The following CTNNA3 variants were observed in gnomAD, a reference collection of about 807,000 sequenced individuals.
CTNNA3 encodes catenin alpha-3.
Under a neutral mutation model 95.7 loss-of-function variants are expected in CTNNA3, and 76 were observed. The observed-to-expected ratio is 0.79, with a 90% CI of 0.66 to 0.96. The LOEUF is 0.96. Among genes scored for constraint, CTNNA3 ranks in the 40% least tolerant of loss-of-function variants. The probability of loss-of-function intolerance (pLI) is 0.00; values close to 1 mark genes in which losing one functional copy is unlikely to be tolerated. For missense variants in CTNNA3, 1,191 were observed against 1,089.8 expected (o/e 1.09, Z -1.31); for synonymous variants, 431 against 374.4 (o/e 1.15, Z -1.74).
At chr10:67,130,879 G>A (rs961176928) in intron 7 of CTNNA3, among the ~76,000 whole-genome samples, 1 of 152,046 alleles carries the variant, frequency 6.6e-6, no homozygotes, top group Non-Finnish European at 1.5e-5. Context: ...TTCTTCCTCT[G>A]CTTGAATTGC....
intron 9 of CTNNA3, among the ~76,000 whole-genome samples, chr10:66,629,271 G>A (rs142398790): frequency 1.1e-3 from 169 of 152,114 alleles, no homozygotes; most frequent in African/African-American, 3.8e-3. Context: ...CTGTGTATGA[G>A]GTAAAGTAAC....
At chr10:67,728,081 T>A (rs910203558) in intron 1 of CTNNA3, among the ~76,000 whole-genome samples, 2 of 142,564 alleles carry the variant, frequency 1.4e-5, no homozygotes, top group Admixed American at 7.4e-5. Flanking sequence ...ATATTATATA[T>A]TATATAATAT....
At chr10:67,137,822 T>C (rs1860370059) in intron 7 of CTNNA3, among the ~76,000 whole-genome samples, 1 of 152,086 alleles carries the variant, frequency 6.6e-6, no homozygotes, top group Non-Finnish European at 1.5e-5. Flanking sequence ...ATGTAGTGAT[T>C]ATATGTCTAT....
chr10:67,295,961 C>T (rs1840014612), intron 5 of CTNNA3, among the ~76,000 whole-genome samples: 1 of 152,166 alleles, frequency 6.6e-6, no homozygotes, highest in South Asian at 2.1e-4. Context: ...TCAGGATGCG[C>T]AGTTCATTGC....
chr10:67,489,046 A>AT (rs1303071478), intron 5 of CTNNA3, among the ~76,000 whole-genome samples: 2 of 152,090 alleles, frequency 1.3e-5, no homozygotes, highest in African/African-American at 2.4e-5. Context: ...GGATCAGCTG[A>AT]TTTTTTTATA....
intron 9 of CTNNA3, among the ~76,000 whole-genome samples, chr10:66,729,990 C>A (rs1177623272): frequency 6.6e-6 from 1 of 151,556 alleles, no homozygotes; most frequent in African/African-American, 2.4e-5. Context: ...CCTGTAGTCC[C>A]AGCTACTGGG....
intron 7 of CTNNA3, among the ~76,000 whole-genome samples, chr10:66,894,860 T>G (rs1845412265): frequency 6.6e-6 from 1 of 151,782 alleles, no homozygotes; most frequent in Admixed American, 6.6e-5. Flanking sequence ...CTTGTTTCCC[T>G]TGAAGCAAGT....
chr10:67,177,955 C>G (rs1408520734), intron 7 of CTNNA3, among the ~76,000 whole-genome samples: 1 of 152,160 alleles, frequency 6.6e-6, no homozygotes, highest in Admixed American at 6.6e-5. Context: ...CATAGGATCC[C>G]AATTTTAGAC....
chr10:66,474,275 T>G (rs1839243803), intron 11 of CTNNA3, among the ~76,000 whole-genome samples: 1 of 152,100 alleles, frequency 6.6e-6, no homozygotes, highest in South Asian at 2.1e-4. Context: ...GATCAACTTC[T>G]TTAGATTTCA....
intron 7 of CTNNA3, among the ~76,000 whole-genome samples, chr10:67,153,584 C>G (rs1373988626): frequency 1.3e-5 from 2 of 152,220 alleles, no homozygotes; most frequent in African/African-American, 4.8e-5. Flanking sequence ...TCTCCGACAG[C>G]AGCGATCTTT....
chr10:66,126,432 T>C (rs964872160), intron 13 of CTNNA3, among the ~76,000 whole-genome samples: 6 of 152,192 alleles, frequency 3.9e-5, no homozygotes, highest in African/African-American at 1.2e-4. Flanking sequence ...TTACCTTAGT[T>C]AGTATGCACA....
intron 7 of CTNNA3, among the ~76,000 whole-genome samples, chr10:66,875,600 G>T (rs1049182224): frequency 4.6e-5 from 7 of 151,858 alleles, no homozygotes; most frequent in Admixed American, 4.6e-4. Flanking sequence ...CATATGGAAG[G>T]TAGTTATTCA....
chr10:67,562,823 C>T (rs1841574409), intron 3 of CTNNA3, among the ~76,000 whole-genome samples: 2 of 152,082 alleles, frequency 1.3e-5, no homozygotes, highest in South Asian at 4.1e-4. Flanking sequence ...GCAAAAGTCA[C>T]AAGCATTCTT....
At chr10:66,462,899 C>A (rs1320002780) in intron 11 of CTNNA3, among the ~76,000 whole-genome samples, 1 of 151,878 alleles carries the variant, frequency 6.6e-6, no homozygotes, top group East Asian at 1.9e-4. Context: ...CTCCTATAAA[C>A]CTTTTTATTT....
At chr10:67,727,577 AAT>A (rs1018414097) in intron 1 of CTNNA3, among the ~76,000 whole-genome samples, 33 of 129,002 alleles carry the variant, frequency 2.6e-4, no homozygotes, top group Admixed American at 5.5e-4. Context: ...TATGTAGCAT[AAT>A]ATATGATATA....
chr10:67,221,764 C>T (rs1030181470), intron 5 of CTNNA3, among the ~76,000 whole-genome samples: 6 of 151,774 alleles, frequency 4.0e-5, no homozygotes, highest in Non-Finnish European at 7.4e-5. Context: ...TTAATAGGGA[C>T]GGGGTTTCAT....
At chr10:67,164,494 T>C (rs569992382) in intron 7 of CTNNA3, among the ~76,000 whole-genome samples, 1 of 151,980 alleles carries the variant, frequency 6.6e-6, no homozygotes, top group Non-Finnish European at 1.5e-5. Flanking sequence ...ATAAAACGTT[T>C]AGGAAAATAG....
chr10:67,133,306 G>GATATATATATAGAT lies in CTNNA3; in HGVS notation c.1047+47010_1047+47011insATCTATATATATAT, dbSNP rs1349753704. Among the ~76,000 whole-genome samples, 45 of 97,722 alleles carry GATATATATATAGAT rather than the reference G, an allele frequency of 4.6e-4. 3 individuals carry two copies. The highest frequency in any genetic ancestry group is 2.2e-3 in the South Asian group (6 of 2,674). 64.1% of individuals were successfully genotyped at this position (97,722 alleles called of 152,430 possible). A position where few individuals can be genotyped will look rare whatever the true frequency, so the allele number is the denominator to read the frequency against. On this transcript the variant is annotated intron_variant, in intron 7 of 17. Transcript: ENST00000433211. ...TAGCCTTAGCTAGAGCATATTGCCT[G>GATATATATATAGAT]ATATATATATATATATATTTATACA...
chr10:66,178,401 A>ATATATATATATATG (rs2085839948), intron 13 of CTNNA3, among the ~76,000 whole-genome samples: 2 of 11,754 alleles, frequency 1.7e-4, no homozygotes, highest in Non-Finnish European at 2.8e-4. Context: ...TTGAAAGTGT[A>ATATATATATATATG]TATATATATA....
Sources: allele counts gnomAD v4.1 joint callset (sites outside exome capture counted in the v4.1 genomes callset), GRCh38; gene constraint gnomAD v4.1.1; transcripts MANE v1.5; gene names NCBI Gene and HGNC (gene_info 2026-07-23, HGNC 2026-07-21).